Variants in SLC29A3 observed in about 807,000 individuals in gnomAD.
The protein encoded by SLC29A3 is solute carrier family 29 member 3, also known as equilibrative nucleoside transporter 3.
Under a neutral mutation model 25.4 loss-of-function variants are expected in SLC29A3, and 18 were observed. That is an observed-to-expected ratio of 0.71 (90% CI 0.49 to 1.05). The LOEUF (loss-of-function observed/expected upper bound fraction) is 1.05, where lower values mean the gene tolerates loss of function less well. Ranked by LOEUF, SLC29A3 falls within the 50% of genes least tolerant of loss-of-function variation. The pLI, the probability that SLC29A3 is intolerant of heterozygous loss-of-function variation, is 0.00. For missense variants in SLC29A3, 586 were observed against 609.0 expected, an observed-to-expected ratio of 0.96 and a Z score of 0.40; for synonymous variants, 258 against 267.1, an observed-to-expected ratio of 0.97 and a Z score of 0.33.
chr10:71,322,834 AC>A lies in SLC29A3; in HGVS notation c.82del (p.Gln28ArgfsTer73). On this transcript the variant is annotated frameshift_variant, in exon 2 of 6. Coordinates refer to ENST00000373189, the MANE Select transcript of SLC29A3 (RefSeq NM_018344.6). LOFTEE classifies it high-confidence loss of function. ...YRTTSSSLRA[D>X]QEALLEKLLD... Reference sequence around the variant, plus strand: ...ACCACAAGCAGCAGTCTCCGAGCTGACCAGGAGGCACTGCTTGAGAAGCTGC... The same window carrying A: ...ACCACAAGCAGCAGTCTCCGAGCTGACAGGAGGCACTGCTTGAGAAGCTGC... 6.2e-7 allele frequency: 1 copy of A among 1,614,178 alleles called. No homozygotes were observed. The highest frequency in any genetic ancestry group is 8.5e-7 in the Non-Finnish European group (1 of 1,180,040).
At chr10:71,354,547 C>G (rs940849564) in intron 4 of SLC29A3, among the ~76,000 whole-genome samples, 1 of 152,212 alleles carries the variant, frequency 6.6e-6, no homozygotes, top group Non-Finnish European at 1.5e-5. Context: ...TGATGGTGCG[C>G]ACGGTGGACG....
chr10:71,332,342 G>A (rs541892086), intron 2 of SLC29A3, among the ~76,000 whole-genome samples: 2 of 151,822 alleles, frequency 1.3e-5, no homozygotes, highest in Admixed American at 1.3e-4. Flanking sequence ...TAGAGATGGG[G>A]TTTCACCATG....
chr10:71,356,973 G>A lies in SLC29A3; in HGVS notation c.773+730G>A, dbSNP rs138434819. 2.6e-3 allele frequency among the ~76,000 whole-genome samples: 396 copies of A among 152,208 alleles called. 1 individual carries two copies. Among genetic ancestry groups the A allele is most frequent in the African/African-American group, 8.9e-3 (371 of 41,498 alleles). ...ATTGCTGTTGTTTTAGTAGAGACAG[G>A]GTTTCACTCTGCAGGCCAGGCTGGA... On this transcript the variant is annotated intron_variant, in intron 5 of 5. Transcript: ENST00000373189.
Position 71,322,938 on chromosome 10 carries a change from A to T in SLC29A3, c.184A>T (p.Ile62Phe). Reference sequence around the variant, plus strand: ...ATACATCATCTTCTTCAGCCTGGGCATTGGCAGTCTACTGCCATGGAACTT... The same window carrying T: ...ATACATCATCTTCTTCAGCCTGGGCTTTGGCAGTCTACTGCCATGGAACTT... The part of the protein sequence containing the change: ...GTYIIFFSLG[I>F]GSLLPWNFFI... Residue 62 changes from isoleucine to phenylalanine, a missense_variant, in exon 2 of 6, where the codon ATT becomes TTT. Coordinates refer to ENST00000373189, the MANE Select transcript of SLC29A3 (RefSeq NM_018344.6). 1 of 1,614,174 alleles carries T rather than the reference A, an allele frequency of 6.2e-7. No individual in the cohort carries two copies. The highest frequency in any genetic ancestry group is 8.5e-7 in the Non-Finnish European group (1 of 1,180,044).
chr10:71,346,467 G>A (rs902435103), intron 3 of SLC29A3, among the ~76,000 whole-genome samples: 1 of 152,192 alleles, frequency 6.6e-6, no homozygotes, highest in Admixed American at 6.5e-5. Context: ...GGGAGGCCAA[G>A]TCAGGAGGAT....
chr10:71,319,318 C>T lies in SLC29A3; in HGVS notation c.1+8C>T, dbSNP rs1292165928. 3 of 645,722 alleles carry T rather than the reference C, an allele frequency of 4.6e-6. No homozygotes were observed. Among genetic ancestry groups the T allele is most frequent in the Admixed American group, 2.3e-5 (1 of 42,854 alleles). 40.0% of individuals were successfully genotyped at this position (645,722 alleles called of 1,614,324 possible). On this transcript the variant is annotated splice_region_variant and intron_variant, in intron 1 of 5. Transcript: ENST00000373189. ...CGTGGCGCAGCGGCGACAGTAAGTG[C>T]GGGCCGGCTCGGGCTCTTCCGGCTA...
intron 2 of SLC29A3, among the ~76,000 whole-genome samples, chr10:71,323,571 C>T (rs749833233): frequency 1.3e-5 from 2 of 152,242 alleles, no homozygotes; most frequent in Non-Finnish European, 2.9e-5. Flanking sequence ...ATACATTGCT[C>T]TTCTTACATT....
In SLC29A3 at chr10:71,322,945, G is replaced by A. The variant is rs1354259585; in HGVS notation, c.191G>A (p.Ser64Asn). ...YIIFFSLGIGSLLPWNFFITA... is the reference protein window; with the variant it reads ...YIIFFSLGIGNLLPWNFFITA... ...ATCTTCTTCAGCCTGGGCATTGGCA[G>A]TCTACTGCCATGGAACTTCTTTATC... The change falls in exon 2 of 6, where the codon AGT (serine) becomes AAT (asparagine). Residue 64 changes from serine (S) to asparagine (N), a missense_variant. Transcript: ENST00000373189. The A allele has an allele frequency of 4.3e-6, 7 of 1,614,110 alleles. No individual in the cohort carries two copies. The African/African-American group carries it at 8.0e-5, about 18-fold the overall frequency.
intron 2 of SLC29A3, among the ~76,000 whole-genome samples, chr10:71,338,012 CT>C (rs1420829318): frequency 3.9e-5 from 6 of 152,258 alleles, no homozygotes; most frequent in Non-Finnish European, 5.9e-5. Context: ...AAGTGCCCCC[CT>C]GCCCAGGCCA....
At chr10:71,335,057 G>A (rs1846212481) in intron 2 of SLC29A3, among the ~76,000 whole-genome samples, 1 of 149,520 alleles carries the variant, frequency 6.7e-6, no homozygotes, top group Non-Finnish European at 1.5e-5. Context: ...TTTGTTGAAT[G>A]AGTGAATGAG....
At chr10:71,371,530 C>T (rs114796628) in intron 3 of SLC29A3, among the ~76,000 whole-genome samples, 1 of 152,136 alleles carries the variant, frequency 6.6e-6, no homozygotes, top group Admixed American at 6.5e-5. Context: ...CCAAGGTTTC[C>T]GAGCCCCTGG....
chr10:71,319,914 T>C (rs1845811697), intron 1 of SLC29A3, among the ~76,000 whole-genome samples: 2 of 152,198 alleles, frequency 1.3e-5, no homozygotes, highest in African/African-American at 4.8e-5. Flanking sequence ...TGTCTGTGCA[T>C]GGCCGGGCTC....
rs1480184130 is a variant in SLC29A3, at chr10:71,319,326, C to G, written c.1+16C>G. On this transcript the variant is annotated intron_variant, in intron 1 of 5. Transcript: ENST00000373189. ...AGCGGCGACAGTAAGTGCGGGCCGG[C>G]TCGGGCTCTTCCGGCTACGGTCCCG... The G allele has an allele frequency of 1.1e-5, 7 of 645,980 alleles. No individual in the cohort carries two copies. In the South Asian group the frequency reaches 1.1e-4, roughly 10 times the overall value. 40.0% of individuals were successfully genotyped at this position (645,980 alleles called of 1,614,324 possible).
chr10:71,340,181 A>G (rs1202272695), intron 2 of SLC29A3, among the ~76,000 whole-genome samples: 1 of 152,214 alleles, frequency 6.6e-6, no homozygotes, highest in Non-Finnish European at 1.5e-5. Context: ...TTTGCCCTGC[A>G]TCCACCTGCG....
At chr10:71,336,546 G>C (rs1846258498) in intron 2 of SLC29A3, among the ~76,000 whole-genome samples, 1 of 151,898 alleles carries the variant, frequency 6.6e-6, no homozygotes, top group South Asian at 2.1e-4. Context: ...GAGGGGCCTG[G>C]TTCCTGGAGG....
chr10:71,377,807 C>A lies in SLC29A3; in HGVS notation c.*212-1959C>A, dbSNP rs144881699. 5.5e-3 allele frequency among the ~76,000 whole-genome samples: 830 copies of A among 151,982 alleles called. 22 individuals are homozygous for A. The highest frequency in any genetic ancestry group is 0.02 in the East Asian group (103 of 5,172). On this transcript the variant is annotated intron_variant and NMD_transcript_variant, in intron 4 of 4. Coordinates refer to the SLC29A3 transcript ENST00000642772. ...ATATTTGTTGAGCACTTACTGTCGGCCTGGCTCTTTGCAAGGATTACTTAA... is the reference window on the plus strand; with the variant it reads ...ATATTTGTTGAGCACTTACTGTCGGACTGGCTCTTTGCAAGGATTACTTAA...
chr10:71,328,836 A>C (rs1357307758), intron 2 of SLC29A3, among the ~76,000 whole-genome samples: 1 of 152,188 alleles, frequency 6.6e-6, no homozygotes, highest in Non-Finnish European at 1.5e-5. Context: ...CTGGTTCAGC[A>C]AGTGGGGGAC....
chr10:71,319,656 G>A (rs902988107), intron 1 of SLC29A3: 1 of 289,846 alleles, frequency 3.5e-6, no homozygotes, highest in Non-Finnish European at 6.3e-6. Context: ...CCTGAGGCTG[G>A]GGCTGTTTAC....
rs752027628 is a variant in SLC29A3 at position 71,322,973 on chromosome 10, T to C, written c.219T>C (p.Thr73=). 6.8e-6 allele frequency: 11 copies of C among 1,614,160 alleles called. No homozygotes were observed. Among genetic ancestry groups the C allele is most frequent in the Non-Finnish European group, 8.5e-6 (10 of 1,180,038 alleles). The change falls in exon 2 of 6, where the codon ACT becomes ACC. Residue 73 remains threonine, a synonymous_variant. Transcript: ENST00000373189. ...GSLLPWNFFI[T]AKEYWMFKLR... ...TACTGCCATGGAACTTCTTTATCAC[T>C]GCCAAGGAGTACTGGATGTTCAAAC...
Sources: gnomAD v4.1 joint callset for allele counts (sites outside exome capture counted in the v4.1 genomes callset) on GRCh38, gnomAD v4.1.1 for gene constraint, MANE v1.5 for transcripts, NCBI Gene and HGNC (gene_info 2026-07-23, HGNC 2026-07-21) for gene names.